The following IMPA2 variants were observed in gnomAD, a reference collection of about 807,000 sequenced individuals.
The protein encoded by IMPA2 is inositol monophosphatase 2.
Under a neutral mutation model 35.1 loss-of-function variants are expected in IMPA2, and 32 were observed. The ratio of observed to expected loss-of-function variants is 0.91; its 90% CI spans 0.69 to 1.23. The LOEUF is 1.23. Among genes scored for constraint, IMPA2 ranks in the 50% most tolerant of loss-of-function variants. The pLI is 0.00. For synonymous variants in IMPA2, 135 were observed against 160.6 expected, an observed-to-expected ratio of 0.84 and a Z score of 1.20; for missense variants, 334 against 387.6, an observed-to-expected ratio of 0.86 and a Z score of 1.16.
Position 11,981,659 on chromosome 18 carries a change from G to T in IMPA2, c.-11G>T, listed in dbSNP as rs914825054. The T allele has an allele frequency of 1.6e-4, 191 of 1,228,740 alleles. No homozygotes were observed. Among genetic ancestry groups the T allele is most frequent in the Non-Finnish European group, 1.8e-4 (182 of 985,744 alleles). The allele number at this position is 1,228,740 out of a possible 1,614,324, so 76.1% of individuals were successfully genotyped here. A position where few individuals can be genotyped will look rare whatever the true frequency, so the allele number is the denominator to read the frequency against. On this transcript the variant is annotated 5_prime_UTR_variant, in exon 1 of 8. Coordinates refer to ENST00000269159, the MANE Select transcript of IMPA2 (RefSeq NM_014214.3). ...GGGGGGCTGGAGGTGGAGGGGCCCG[G>T]CGAGGCCGCGATGAAGCCGAGCGGC...
chr18:12,008,985 G>T (rs2143802846), intron 2 of IMPA2, among the ~76,000 whole-genome samples: 1 of 151,788 alleles, frequency 6.6e-6, no homozygotes, highest in African/African-American at 2.4e-5. Flanking sequence ...ACATGGAGGA[G>T]TGGAGCCTGC....
intron 4 of IMPA2, among the ~76,000 whole-genome samples, chr18:12,013,762 C>T (rs573118402): frequency 3.1e-4 from 47 of 152,296 alleles, no homozygotes; most frequent in African/African-American, 1.1e-3. Flanking sequence ...GCACTGCCTG[C>T]TCACGGATCA....
At chr18:11,988,001 CTTTTTTTTT>C (rs71172043) in intron 1 of IMPA2, among the ~76,000 whole-genome samples, 43 of 101,878 alleles carry the variant, frequency 4.2e-4, no homozygotes, top group African/African-American at 1.5e-3. Flanking sequence ...TGTTTATTGG[CTTTTTTTTT>C]TTTTTTTTTT....
At chr18:12,006,723 G>A (rs1907257153) in intron 2 of IMPA2, among the ~76,000 whole-genome samples, 1 of 152,200 alleles carries the variant, frequency 6.6e-6, no homozygotes, top group Admixed American at 6.5e-5. Context: ...AAATGGAGGG[G>A]CTGGATGACT....
chr18:11,989,274 C>G (rs1219705158), intron 1 of IMPA2, among the ~76,000 whole-genome samples: 1 of 152,190 alleles, frequency 6.6e-6, no homozygotes, highest in Non-Finnish European at 1.5e-5. Flanking sequence ...CCCTGCTCTT[C>G]CTGCCTGGGC....
At chr18:12,022,298 G>A (rs571586666) in intron 5 of IMPA2, among the ~76,000 whole-genome samples, 25 of 151,878 alleles carry the variant, frequency 1.6e-4, no homozygotes, top group Middle Eastern at 3.4e-3. Context: ...TTGGGAGGCC[G>A]AGGTGGGTGG....
intron 5 of IMPA2, among the ~76,000 whole-genome samples, chr18:12,023,522 C>T (rs1396858051): frequency 6.6e-6 from 1 of 152,228 alleles, no homozygotes; most frequent in East Asian, 1.9e-4. Context: ...TACACCAGCC[C>T]TGGCATGGGG....
chr18:12,017,393 C>CAAT (rs922983224), intron 5 of IMPA2, among the ~76,000 whole-genome samples: 23 of 152,144 alleles, frequency 1.5e-4, no homozygotes, highest in Non-Finnish European at 2.5e-4. Context: ...ATCACATCAT[C>CAAT]AATATCACTC....
At chr18:12,023,295 A>G (rs1258910309) in intron 5 of IMPA2, among the ~76,000 whole-genome samples, 5 of 152,146 alleles carry the variant, frequency 3.3e-5, no homozygotes, top group African/African-American at 4.8e-5. Flanking sequence ...TAATGGCTCC[A>G]TGGCCTGAGC....
intron 1 of IMPA2, among the ~76,000 whole-genome samples, chr18:11,992,267 G>A (rs562804048): frequency 2.6e-5 from 4 of 152,354 alleles, no homozygotes; most frequent in South Asian, 2.1e-4. Context: ...GGGGCGTGTC[G>A]TCAGGTGCAC....
intron 1 of IMPA2, among the ~76,000 whole-genome samples, chr18:11,993,217 A>G (rs1218513801): frequency 1.3e-5 from 2 of 152,212 alleles, no homozygotes. Context: ...ATGAGAACCC[A>G]TATAGAATTT....
rs554600357 is a variant in IMPA2 at position 12,013,662 on chromosome 18, C to T, written c.382-603C>T. ...GGCCGTGGGCTGCCGTCCTTTTCCA[C>T]GCTGACCTCTTCCTTTTGCTGCTTC... is the stretch of plus-strand genomic sequence containing the variant. On this transcript the variant is annotated intron_variant, in intron 4 of 7. Transcript: ENST00000269159. Among the ~76,000 whole-genome samples, 8 of 152,212 alleles carry T rather than the reference C, an allele frequency of 5.3e-5. No individual in the cohort carries two copies. The South Asian group carries it at 1.2e-3, about 24-fold the overall frequency.
intron 1 of IMPA2, among the ~76,000 whole-genome samples, chr18:11,988,158 A>G (rs1255523432): frequency 2.0e-5 from 3 of 151,912 alleles, no homozygotes; most frequent in Non-Finnish European, 4.4e-5. Flanking sequence ...GGCATGTGCC[A>G]CCACGCCTGG....
At chr18:11,985,510 T>A (rs528655144) in intron 1 of IMPA2, among the ~76,000 whole-genome samples, 4 of 152,368 alleles carry the variant, frequency 2.6e-5, no homozygotes, top group African/African-American at 7.2e-5. Context: ...ACAATTGGCT[T>A]ATAAATTTTT....
intron 5 of IMPA2, among the ~76,000 whole-genome samples, chr18:12,025,583 C>T (rs1049708845): frequency 3.3e-5 from 5 of 152,080 alleles, no homozygotes; most frequent in Admixed American, 6.6e-5. Context: ...AGAGGTGTCT[C>T]GTTATTGTTG....
At chr18:12,011,854 T>A (rs997280997) in intron 3 of IMPA2, among the ~76,000 whole-genome samples, 2 of 152,214 alleles carry the variant, frequency 1.3e-5, no homozygotes, top group African/African-American at 4.8e-5. Context: ...CTGCTGTCCC[T>A]TTAGGTCTGG....
chr18:12,013,320 G>A (rs1248542901), intron 4 of IMPA2, among the ~76,000 whole-genome samples: 1 of 152,190 alleles, frequency 6.6e-6, no homozygotes, highest in Admixed American at 6.5e-5. Context: ...TGGTCATGAG[G>A]ATTCCTTTAA....
At chr18:12,023,937 T>C (rs1907805128) in intron 5 of IMPA2, among the ~76,000 whole-genome samples, 1 of 152,142 alleles carries the variant, frequency 6.6e-6, no homozygotes, top group African/African-American at 2.4e-5. Flanking sequence ...ATTTGGAAAA[T>C]TATATCAAAA....
At position 12,010,590 on chromosome 18, in the gene IMPA2, A is replaced by G. The variant is rs1466855858; in HGVS notation, c.335+603A>G. 6.6e-6 allele frequency among the ~76,000 whole-genome samples: 1 copy of G among 152,180 alleles called. No homozygotes were observed. Among genetic ancestry groups the G allele is most frequent in the Non-Finnish European group, 1.5e-5 (1 of 68,026 alleles). On this transcript the variant is annotated intron_variant, in intron 3 of 7. Coordinates refer to ENST00000269159, the MANE Select transcript of IMPA2 (RefSeq NM_014214.3). This position sits in a 1 kb window ranked among gnomAD's most constrained non-coding sequence, Gnocchi z 4.8. ...GGTGATGGTGCTGCGCTGCCTGTCT[A>G]CACGCACAGGTGGCTGGGGGCCTGG...
Sources: gnomAD v4.1 joint callset for allele counts (sites outside exome capture counted in the v4.1 genomes callset) on GRCh38, gnomAD v4.1.1 for gene constraint, Gnocchi (gnomAD v3.1) non-coding constraint, MANE v1.5 for transcripts, NCBI Gene and HGNC (gene_info 2026-07-23, HGNC 2026-07-21) for gene names.